SCHIP1: variants seen among roughly 807,000 people sequenced by gnomAD.
The protein encoded by SCHIP1 is schwannomin interacting protein 1.
Under a neutral mutation model 29.7 loss-of-function variants are expected in SCHIP1, and 8 were observed. The ratio of observed to expected loss-of-function variants is 0.27; its 90% CI spans 0.16 to 0.49. The LOEUF is 0.49. SCHIP1 is among the 20% of genes least tolerant of loss of function. SCHIP1 has a pLI of 0.99. For synonymous variants in SCHIP1, 76 were observed against 94.9 expected, an observed-to-expected ratio of 0.80 and a Z score of 1.16; for missense variants, 193 against 294.6, an observed-to-expected ratio of 0.66 and a Z score of 2.52.
At chr3:159,718,445 C>G in the SCHIP1 span, among the ~76,000 whole-genome samples, 1 of 152,190 alleles carries the variant, frequency 6.6e-6, no homozygotes, top group Non-Finnish European at 1.5e-5. Flanking sequence ...TCAAATTGTC[C>G]CTGTTTGCAG....
the SCHIP1 span, among the ~76,000 whole-genome samples, chr3:159,582,787 T>TACGC: frequency 6.9e-6 from 1 of 144,138 alleles, no homozygotes; most frequent in Non-Finnish European, 1.5e-5. Context: ...AATATATATA[T>TACGC]ACACACACAC....
the SCHIP1 span, among the ~76,000 whole-genome samples, chr3:159,828,373 AT>A: frequency 9.5e-6 from 1 of 105,020 alleles, no homozygotes; most frequent in African/African-American, 3.5e-5. Flanking sequence ...ATATATATAT[AT>A]ACATATATAT....
the SCHIP1 span, among the ~76,000 whole-genome samples, chr3:159,825,551 T>C: frequency 6.6e-6 from 1 of 152,192 alleles, no homozygotes; most frequent in Non-Finnish European, 1.5e-5. Flanking sequence ...TAATGACAGC[T>C]GGTCACAGGC....
chr3:159,566,794 C>T, the SCHIP1 span, among the ~76,000 whole-genome samples: 19 of 152,206 alleles, frequency 1.2e-4, no homozygotes, highest in South Asian at 3.5e-3. Flanking sequence ...CAGGAGCAGA[C>T]CAGAGAGTGC....
At chr3:159,848,667 T>C (rs1712165819) in intron 1 of SCHIP1, among the ~76,000 whole-genome samples, 1 of 152,012 alleles carries the variant, frequency 6.6e-6, no homozygotes, top group Non-Finnish European at 1.5e-5. Flanking sequence ...TAGGGGTCTC[T>C]CTTTTTTTTT....
chr3:159,586,393 G>C, the SCHIP1 span, among the ~76,000 whole-genome samples: 1 of 152,206 alleles, frequency 6.6e-6, no homozygotes, highest in African/African-American at 2.4e-5. Flanking sequence ...AACAATAAAA[G>C]CAAATTTTTA....
chr3:159,365,422 A>G, the SCHIP1 span, among the ~76,000 whole-genome samples: 5 of 152,136 alleles, frequency 3.3e-5, no homozygotes, highest in Non-Finnish European at 1.5e-5. Flanking sequence ...AATAGAACAC[A>G]TTCTATTACT....
At chr3:159,840,129 T>C in exon 1 of SCHIP1, 1 of 1,533,246 alleles carries the variant, frequency 6.5e-7, no homozygotes, top group South Asian at 1.2e-5. Flanking sequence ...GCGCCTGCCC[T>C]CCGCAGCCTC....
the SCHIP1 span, among the ~76,000 whole-genome samples, chr3:159,495,227 A>G: frequency 6.6e-6 from 1 of 152,204 alleles, no homozygotes; most frequent in East Asian, 1.9e-4. Context: ...CACCACTCCT[A>G]TTCAACCTAG....
At chr3:159,631,592 G>C in the SCHIP1 span, among the ~76,000 whole-genome samples, 3 of 152,168 alleles carry the variant, frequency 2.0e-5, no homozygotes, top group Admixed American at 6.6e-5. Flanking sequence ...ACATTGTATG[G>C]TTCCACTAAT....
At chr3:159,866,268 A>G in exon 2 of SCHIP1, 1 of 1,613,602 alleles carries the variant, frequency 6.2e-7, no homozygotes, top group South Asian at 1.1e-5. Context: ...TGGGAAGCCA[A>G]GCCTTTCCTC....
At chr3:159,748,013 C>T in the SCHIP1 span, among the ~76,000 whole-genome samples, 1 of 152,138 alleles carries the variant, frequency 6.6e-6, no homozygotes, top group Admixed American at 6.5e-5. Context: ...TAAGAAACAT[C>T]TTCAGCCATA....
the SCHIP1 span, among the ~76,000 whole-genome samples, chr3:159,395,494 T>A: frequency 6.7e-6 from 1 of 148,242 alleles, no homozygotes; most frequent in African/African-American, 2.5e-5. Context: ...GCTTTGAATG[T>A]GTCCCAGAGA....
the SCHIP1 span, among the ~76,000 whole-genome samples, chr3:159,540,991 A>G: frequency 2.6e-5 from 4 of 152,126 alleles, no homozygotes; most frequent in Non-Finnish European, 4.4e-5. Context: ...AGCAATAACA[A>G]AAAGACTCTG....
chr3:159,530,320 C>G, the SCHIP1 span, among the ~76,000 whole-genome samples: 1 of 152,260 alleles, frequency 6.6e-6, no homozygotes, highest in South Asian at 2.1e-4. Flanking sequence ...CCAGCTCTCT[C>G]TTCACAATAC....
chr3:159,347,109 C>T, the SCHIP1 span, among the ~76,000 whole-genome samples: 1 of 152,158 alleles, frequency 6.6e-6, no homozygotes, highest in Non-Finnish European at 1.5e-5. Context: ...ATATATGCTT[C>T]ATATGTTCCA....
chr3:159,448,476 A>G, the SCHIP1 span, among the ~76,000 whole-genome samples: 1 of 152,178 alleles, frequency 6.6e-6, no homozygotes, highest in African/African-American at 2.4e-5. Flanking sequence ...TCTCAAAGAA[A>G]GAAAAAAAAG....
chr3:159,435,021 C>G, the SCHIP1 span, among the ~76,000 whole-genome samples: 1 of 152,146 alleles, frequency 6.6e-6, no homozygotes, highest in African/African-American at 2.4e-5. Flanking sequence ...GGCTTGATCA[C>G]AAGCAGCTTT....
the SCHIP1 span, among the ~76,000 whole-genome samples, chr3:159,462,016 C>A: frequency 2.0e-5 from 3 of 152,032 alleles, no homozygotes; most frequent in East Asian, 5.8e-4. Context: ...TCGAGTCTGG[C>A]CTGGACAACA....
Sources: gnomAD v4.1 joint callset for allele counts (sites outside exome capture counted in the v4.1 genomes callset) on GRCh38, gnomAD v4.1.1 for gene constraint, MANE v1.5 for transcripts, NCBI Gene and HGNC (gene_info 2026-07-23, HGNC 2026-07-21) for gene names.